The following POLN variants were observed in gnomAD, a reference collection of about 807,000 sequenced individuals.
POLN encodes DNA polymerase N.
In POLN, 108 loss-of-function variants were observed where a neutral mutation model predicts 113.5. That is an observed-to-expected ratio of 0.95 (90% CI 0.81 to 1.12). The LOEUF is 1.12. POLN is among the 50% of genes most tolerant of loss of function. The pLI is 0.00. For synonymous variants in POLN, 386 were observed against 391.5 expected (o/e 0.99, Z 0.17); for missense variants, 1,097 against 1,077.1 (o/e 1.02, Z -0.26).
intron 5 of POLN, among the ~76,000 whole-genome samples, chr4:2,206,223 C>A (rs777238872): frequency 6.6e-6 from 1 of 152,326 alleles, no homozygotes; most frequent in Non-Finnish European, 1.5e-5. Flanking sequence ...GGATCCTCAT[C>A]TCTCACCTTA....
At chr4:2,213,400 T>C (rs1171187839) in intron 3 of POLN, among the ~76,000 whole-genome samples, 2 of 152,218 alleles carry the variant, frequency 1.3e-5, no homozygotes, top group Admixed American at 1.3e-4. Flanking sequence ...TTTGAATACA[T>C]GACTCTAAAA....
intron 23 of POLN, chr4:2,076,999 A>G (rs1730291527): frequency 6.6e-6 from 1 of 151,794 alleles, no homozygotes; most frequent in Non-Finnish European, 1.5e-5. Flanking sequence ...ACTTCCAAGG[A>G]GGCTATTTTT....
chr4:2,223,668 C>CA (rs1336792865), intron 3 of POLN, among the ~76,000 whole-genome samples: 1 of 152,178 alleles, frequency 6.6e-6, no homozygotes, highest in Non-Finnish European at 1.5e-5. Context: ...ACCTGTACAG[C>CA]ATGTACTAGG....
At chr4:2,072,371 A>G in intron 25 of POLN, 72 bp from the exon 26 acceptor site, 1 of 1,312,100 alleles carries the variant, frequency 7.6e-7, no homozygotes, top group Non-Finnish European at 1.0e-6. Flanking sequence ...GACCCCAAGC[A>G]GGGGGACAGG....
chr4:2,190,021 C>T (rs760649350), intron 7 of POLN, among the ~76,000 whole-genome samples: 1 of 116,360 alleles, frequency 8.6e-6, no homozygotes, highest in Non-Finnish European at 1.6e-5. Context: ...AAGACTCCAT[C>T]TCAAAAAAAA....
At chr4:2,072,424 C>T (rs1012700786) in intron 25 of POLN, 125 bp from the exon 26 acceptor site, 2 of 795,386 alleles carry the variant, frequency 2.5e-6, no homozygotes, top group Non-Finnish European at 1.9e-6. Context: ...CATGATCAGA[C>T]AGCCACACGC....
intron 6 of POLN, 28 bp from the exon 7 acceptor site, chr4:2,193,344 T>G (rs1733498473): frequency 8.1e-6 from 12 of 1,484,340 alleles, no homozygotes; most frequent in Non-Finnish European, 1.1e-5. Flanking sequence ...ATTCACTGAT[T>G]TAAACATTAA....
chr4:2,116,726 G>A (rs867946049), intron 19 of POLN, among the ~76,000 whole-genome samples: 3 of 152,164 alleles, frequency 2.0e-5, no homozygotes, highest in African/African-American at 2.4e-5. Flanking sequence ...ATAAGGTCAC[G>A]AAGGGACTTT....
chr4:2,124,813 C>T (rs1481962218), intron 19 of POLN, among the ~76,000 whole-genome samples: 1 of 152,052 alleles, frequency 6.6e-6, no homozygotes, highest in Non-Finnish European at 1.5e-5. Flanking sequence ...CCCTGGACCT[C>T]GGAGCCAGGC....
intron 17 of POLN, among the ~76,000 whole-genome samples, chr4:2,130,335 A>G (rs572062492): frequency 2.8e-4 from 43 of 151,528 alleles, no homozygotes; most frequent in Non-Finnish European, 4.7e-4. Flanking sequence ...AGGACAAGAC[A>G]AGACTGCTCA....
chr4:2,141,555 T>A (rs760504967), intron 16 of POLN, among the ~76,000 whole-genome samples: 48 of 152,208 alleles, frequency 3.2e-4, no homozygotes, highest in Non-Finnish European at 6.0e-4. Flanking sequence ...CTGCGGTGCG[T>A]TCTGTGCTCT....
chr4:2,099,949 A>C (rs1730882869), intron 19 of POLN, among the ~76,000 whole-genome samples: 1 of 152,118 alleles, frequency 6.6e-6, no homozygotes, highest in African/African-American at 2.4e-5. Flanking sequence ...GTACACCTGC[A>C]GTCCCAGCTA....
In POLN at chr4:2,089,425, TCAGA is replaced by T. The variant is rs988210154; in HGVS notation, c.2066-3685_2066-3682del. The T allele has an allele frequency of 1.9e-5, 26 of 1,393,720 alleles. No individual in the cohort carries two copies. The Admixed American group carries it at 3.2e-4, about 17-fold the overall frequency. 86.3% of individuals were successfully genotyped at this position (1,393,720 alleles called of 1,614,324 possible). A position where few individuals can be genotyped will look rare whatever the true frequency, so the allele number is the denominator to read the frequency against. ...ACTGACAGATGACTGGTTACAAAGGTCAGACAAAGTAAAGCACTGGCTTATATTG... is the reference window on the plus strand; with the variant it reads ...ACTGACAGATGACTGGTTACAAAGGTCAAAGTAAAGCACTGGCTTATATTG... On this transcript the variant is annotated intron_variant, in intron 20 of 25. Coordinates refer to ENST00000511885, the MANE Select transcript of POLN (RefSeq NM_181808.4).
At chr4:2,097,271 G>A (rs964799751) in intron 19 of POLN, among the ~76,000 whole-genome samples, 2 of 152,180 alleles carry the variant, frequency 1.3e-5, no homozygotes, top group Non-Finnish European at 2.9e-5. Flanking sequence ...GCAGGGACCA[G>A]GTCCCATGCT....
rs543066784 is a variant in POLN at position 2,156,044 on chromosome 4, A to G, written c.1731+744T>C. Among the ~76,000 whole-genome samples, 41 of 152,266 alleles carry G rather than the reference A, an allele frequency of 2.7e-4. No individual in the cohort carries two copies. In the South Asian group the frequency reaches 8.3e-3, roughly 31 times the overall value. ...GAGACGGGGTTTCACCATATTGGCC[A>G]GGCTGGTCTTGAACTCCTGACCTCA... On this transcript the variant is annotated intron_variant, in intron 16 of 25. Transcript: ENST00000511885.
chr4:2,173,965 G>A lies in POLN; in HGVS notation c.1364C>T (p.Ala455Val). 6.2e-7 allele frequency: 1 copy of A among 1,614,136 alleles called. No homozygotes were observed. Among genetic ancestry groups the A allele is most frequent in the Non-Finnish European group, 8.5e-7 (1 of 1,179,964 alleles). Residue 455 changes from alanine (A) to valine (V), a missense_variant, in exon 11 of 26, where the codon GCA (alanine) becomes GTA (valine). Coordinates refer to ENST00000511885, the MANE Select transcript of POLN (RefSeq NM_181808.4). ...VNKEEMEKTS[A>V]LLGARLKELE... ...GGAATAATAACTTACCCCAAGAAGT[G>A]CTGACGTCTTCTCCATCTCCTCTTT...
At chr4:2,180,830 C>A (rs1396555647) in intron 7 of POLN, among the ~76,000 whole-genome samples, 1 of 152,158 alleles carries the variant, frequency 6.6e-6, no homozygotes, top group Non-Finnish European at 1.5e-5. Flanking sequence ...ACAAATCCCA[C>A]ACTAGGGAGA....
chr4:2,166,823 A>G (rs1732740144), intron 13 of POLN, among the ~76,000 whole-genome samples: 2 of 152,102 alleles, frequency 1.3e-5, no homozygotes, highest in Non-Finnish European at 2.9e-5. Flanking sequence ...GCTTGGACTG[A>G]GCCACACTAT....
intron 5 of POLN, among the ~76,000 whole-genome samples, chr4:2,206,138 CAT>C (rs1372230977): frequency 6.6e-6 from 1 of 152,082 alleles, no homozygotes; most frequent in Admixed American, 6.6e-5. Context: ...CAAACAAAAA[CAT>C]AAAGTGGGGA....
Sources: allele counts gnomAD v4.1 joint callset (sites outside exome capture counted in the v4.1 genomes callset), GRCh38; gene constraint gnomAD v4.1.1; transcripts MANE v1.5; gene names NCBI Gene and HGNC (gene_info 2026-07-23, HGNC 2026-07-21).